Variants in CASR observed in about 807,000 individuals in gnomAD.
CASR encodes calcium sensing receptor.
A neutral mutation model predicts 69.1 loss-of-function variants in CASR; 23 were observed. That is an observed-to-expected ratio of 0.33 (90% CI 0.24 to 0.47). The LOEUF (loss-of-function observed/expected upper bound fraction) is 0.47. Among genes scored for constraint, CASR ranks in the 20% least tolerant of loss-of-function variants. The pLI is 1.00. For missense variants in CASR, 924 were observed against 1,356.1 expected, an observed-to-expected ratio of 0.68 and a Z score of 5.00; for synonymous variants, 541 against 544.7, an observed-to-expected ratio of 0.99 and a Z score of 0.10.
intron 4 of CASR, among the ~76,000 whole-genome samples, chr3:122,268,257 G>A (rs1396466131): frequency 6.6e-6 from 1 of 152,212 alleles, no homozygotes; most frequent in Non-Finnish European, 1.5e-5. Context: ...TATACTATGT[G>A]CAGTAAATAT....
intron 1 of CASR, among the ~76,000 whole-genome samples, chr3:122,219,818 G>T (rs2074153756): frequency 6.6e-6 from 1 of 152,212 alleles, no homozygotes; most frequent in African/African-American, 2.4e-5. Flanking sequence ...AGCTCCTTGT[G>T]ATTTAGACAA....
At chr3:122,256,364 T>C (rs1431566026) in intron 2 of CASR, among the ~76,000 whole-genome samples, 1 of 152,258 alleles carries the variant, frequency 6.6e-6, no homozygotes, top group Admixed American at 6.5e-5. Flanking sequence ...CTGGTCCTTT[T>C]CTTGTACATC....
At chr3:122,233,701 A>G (rs1302277311) in intron 1 of CASR, among the ~76,000 whole-genome samples, 1 of 151,994 alleles carries the variant, frequency 6.6e-6, no homozygotes, top group African/African-American at 2.4e-5. Flanking sequence ...CGGTTGTGGT[A>G]TTTCTGTTTC....
At chr3:122,254,491 G>T (rs2074533493) in intron 2 of CASR, 117 bp downstream of exon 2, 3 of 1,040,418 alleles carry the variant, frequency 2.9e-6, no homozygotes, top group African/African-American at 1.6e-5. Flanking sequence ...AATAGTGATT[G>T]ATTGGTAATC....
chr3:122,274,103 C>T (rs1330635313), intron 4 of CASR, among the ~76,000 whole-genome samples: 1 of 152,186 alleles, frequency 6.6e-6, no homozygotes, highest in African/African-American at 2.4e-5. Flanking sequence ...GAGCCATTCT[C>T]CATCTTTTTT....
intron 1 of CASR, among the ~76,000 whole-genome samples, chr3:122,200,041 G>A (rs2073927172): frequency 6.6e-6 from 1 of 152,156 alleles, no homozygotes. Context: ...CCAAGTAGCT[G>A]GGATTACAGG....
rs149577891 is a variant in CASR at position 122,223,085 on chromosome 3, T to C, written c.-242-30863T>C. On this transcript the variant is annotated intron_variant, in intron 1 of 6. Transcript: ENST00000639785. ...AACTAAAGCAGTGTTAAGAGGAAAG[T>C]TTAGAGTGCTAAATGCCTACATCAA... is the stretch of plus-strand genomic sequence containing the variant. 9.9e-4 allele frequency among the ~76,000 whole-genome samples: 150 copies of C among 152,076 alleles called. 1 individual carries two copies. The highest frequency in any genetic ancestry group is 3.4e-3 in the African/African-American group (139 of 41,474).
In CASR at chr3:122,284,829, C is replaced by G; in HGVS notation, c.2875C>G (p.Gln959Glu). The G allele has an allele frequency of 6.2e-7, 1 of 1,614,190 alleles. No individual in the cohort carries two copies. Among genetic ancestry groups the G allele is most frequent in the Non-Finnish European group, 8.5e-7 (1 of 1,180,030 alleles). Residue 959 changes from glutamine to glutamate, a missense_variant, in exon 7 of 7, where the codon CAG (glutamine) becomes GAG (glutamate). Physicochemically the swap from Gln to Glu is conservative, Grantham distance 29. This residue lies in a region of CASR where 201 missense variants were observed against 228.8 expected (regional missense o/e 0.88). Transcript: ENST00000639785. ...CCCACAGCAGCAACGATCTCAGCAG[C>G]AGCCCAGATGCAAGCAGAAGGTCAT... is the stretch of plus-strand genomic sequence containing the variant. ...TLPQQQRSQQQPRCKQKVIFG... is the reference protein window; with the variant it reads ...TLPQQQRSQQEPRCKQKVIFG...
intron 4 of CASR, among the ~76,000 whole-genome samples, chr3:122,267,206 G>T (rs920092913): frequency 1.3e-5 from 2 of 152,062 alleles, no homozygotes; most frequent in Non-Finnish European, 1.5e-5. Flanking sequence ...AAAATAAAAC[G>T]CCCAAATGCA....
chr3:122,248,768 T>C (rs2074453689), intron 1 of CASR, among the ~76,000 whole-genome samples: 2 of 152,190 alleles, frequency 1.3e-5, no homozygotes, highest in South Asian at 4.1e-4. Context: ...ATTCACAATT[T>C]CCAGAAATGT....
At chr3:122,210,720 A>G (rs2074056423) in intron 1 of CASR, among the ~76,000 whole-genome samples, 1 of 152,230 alleles carries the variant, frequency 6.6e-6, no homozygotes, top group Non-Finnish European at 1.5e-5. Context: ...TTCTTCACAG[A>G]ATTAGAAAAA....
chr3:122,261,948 A>T lies in CASR; in HGVS notation c.913A>T (p.Ile305Phe). 6.2e-7 allele frequency: 1 copy of T among 1,614,112 alleles called. No homozygotes were observed. Among genetic ancestry groups the T allele is most frequent in the Non-Finnish European group, 8.5e-7 (1 of 1,179,950 alleles). ...CGAGGCCTGGGCCAGCTCCTCCCTG[A>T]TCGCCATGCCTCAGTACTTCCACGT... is the stretch of plus-strand genomic sequence containing the variant. ...ASEAWASSSL[I>F]AMPQYFHVVG... is the part of the protein sequence containing the mutation. Residue 305 changes from isoleucine (I) to phenylalanine (F), a missense_variant, in exon 4 of 7, where the codon ATC becomes TTC. Physicochemically the swap from Ile to Phe is conservative, Grantham distance 21 (BLOSUM62 0). Coordinates refer to ENST00000639785, the MANE Select transcript of CASR (RefSeq NM_000388.4).
At chr3:122,194,149 G>C (rs1441102777) in intron 1 of CASR, among the ~76,000 whole-genome samples, 1 of 152,064 alleles carries the variant, frequency 6.6e-6, no homozygotes, top group Non-Finnish European at 1.5e-5. Flanking sequence ...AGAGTCCCCA[G>C]CTTGGAACCC....
At chr3:122,276,086 A>G in intron 5 of CASR, 44 bp downstream of exon 5, 1 of 1,294,474 alleles carries the variant, frequency 7.7e-7, no homozygotes, top group Non-Finnish European at 1.1e-6. Context: ...CACCAGGGGC[A>G]GGAAACTGTG....
At chr3:122,251,453 C>T (rs2074482407) in intron 1 of CASR, among the ~76,000 whole-genome samples, 1 of 152,184 alleles carries the variant, frequency 6.6e-6, no homozygotes. Context: ...AAGCTGTGCA[C>T]GTTGACTCAA....
At chr3:122,216,845 G>A (rs917317980) in intron 1 of CASR, among the ~76,000 whole-genome samples, 1 of 152,192 alleles carries the variant, frequency 6.6e-6, no homozygotes, top group African/African-American at 2.4e-5. Context: ...GTGAGATACT[G>A]TTAATCATGC....
intron 1 of CASR, among the ~76,000 whole-genome samples, chr3:122,201,791 G>A (rs2073955837): frequency 1.3e-5 from 2 of 151,966 alleles, no homozygotes; most frequent in Non-Finnish European, 1.5e-5. Context: ...GGGCAGCGGG[G>A]CAGAGGTGCT....
In CASR at chr3:122,276,009, G is replaced by A. The variant is rs898193456; in HGVS notation, c.1575G>A (p.Glu525=). ...AKKGERLFIN[E]EKILWSGFSR... The stretch of plus-strand genomic sequence containing the variant: ...AGGGAGAAAGACTCTTCATCAACGA[G>A]GAGAAAATCCTGTGGAGTGGGTTCT... The change falls in exon 5 of 7, where the codon GAG becomes GAA. Residue 525 remains glutamate (E), a synonymous_variant. Transcript: ENST00000639785. 6 of 1,613,778 alleles carry A rather than the reference G, an allele frequency of 3.7e-6. No individual in the cohort carries two copies. The highest frequency in any genetic ancestry group is 5.1e-6 in the Non-Finnish European group (6 of 1,179,678).
At chr3:122,230,953 A>C (rs2074272875) in intron 1 of CASR, among the ~76,000 whole-genome samples, 1 of 152,332 alleles carries the variant, frequency 6.6e-6, no homozygotes. Flanking sequence ...ATACTTAAAG[A>C]ATCAGGGATT....
Sources: allele counts gnomAD v4.1 joint callset (sites outside exome capture counted in the v4.1 genomes callset), GRCh38; gene constraint gnomAD v4.1.1; regional missense constraint gnomAD v4.1.1; transcripts MANE v1.5; gene names NCBI Gene and HGNC (gene_info 2026-07-23, HGNC 2026-07-21).